Variants in XPNPEP2 observed in about 807,000 individuals in gnomAD.
The protein encoded by XPNPEP2 is xaa-Pro aminopeptidase 2.
XPNPEP2 carries 64 observed loss-of-function variants against 59.8 expected under a neutral mutation model. The ratio of observed to expected loss-of-function variants is 1.07; its 90% CI spans 0.87 to 1.32. XPNPEP2 has a LOEUF of 1.32. Ranked by LOEUF, XPNPEP2 falls within the 40% of genes most tolerant of loss-of-function variation. XPNPEP2 has a pLI of 0.00. For synonymous variants in XPNPEP2, 235 were observed against 210.0 expected, an observed-to-expected ratio of 1.12 and a Z score of -1.03; for missense variants, 575 against 546.8, an observed-to-expected ratio of 1.05 and a Z score of -0.51.
chrX:129,766,670 C>T (rs1926757368), intron 19 of XPNPEP2, among the ~76,000 whole-genome samples: 1 of 111,960 alleles, frequency 8.9e-6, no homozygotes, highest in Non-Finnish European at 1.9e-5. Context: ...ATGGACACCA[C>T]CATGCTCAGC....
At chrX:129,757,888 AGAGAG>A (rs1391660002) in intron 14 of XPNPEP2, among the ~76,000 whole-genome samples, 35 of 77,766 alleles carry the variant, frequency 4.5e-4, no homozygotes, top group African/African-American at 2.4e-3. Context: ...AGAGAGAGAG[AGAGAG>A]AGAAAGAAAG....
Position 129,756,542 on chromosome X carries a change from G to C in XPNPEP2, c.1354G>C (p.Gly452Arg), listed in dbSNP as rs1486317330. ...AGATGAGATGTACCTGCTGGACTCTGGGGGGCAGTACTGGTATGTACCCCG... is the reference window on the plus strand; with the variant it reads ...AGATGAGATGTACCTGCTGGACTCTCGGGGGCAGTACTGGTATGTACCCCG... ...SSDEMYLLDS[G>R]GQYWDGTTDI... is the part of the protein sequence containing the mutation. Residue 452 changes from glycine (G) to arginine (R), a missense_variant, in exon 14 of 21, where the codon GGG (glycine) becomes CGG (arginine). Physicochemically the swap from Gly to Arg is moderately radical, Grantham distance 125. Transcript: ENST00000371106. 5.0e-6 allele frequency: 6 copies of C among 1,208,862 alleles called. No homozygotes were observed. The highest frequency in any genetic ancestry group is 6.7e-6 in the Non-Finnish European group (6 of 894,481).
chrX:129,740,985 C>T (rs1281316305), intron 1 of XPNPEP2, among the ~76,000 whole-genome samples: 1 of 108,540 alleles, frequency 9.2e-6, no homozygotes, highest in Admixed American at 9.7e-5. Context: ...AATGTCTCCC[C>T]ACACTCAGGG....
intron 14 of XPNPEP2, among the ~76,000 whole-genome samples, chrX:129,757,702 G>A (rs1926551916): frequency 9.5e-6 from 1 of 105,655 alleles, no homozygotes; most frequent in Non-Finnish European, 1.9e-5. Context: ...AACTGAGGCA[G>A]GAGAATCGCT....
intron 12 of XPNPEP2, 49 bp from the exon 13 acceptor site, chrX:129,755,245 C>A: frequency 6.1e-6 from 7 of 1,141,482 alleles, no homozygotes; most frequent in Non-Finnish European, 7.2e-6. Context: ...CGGGCCCAGC[C>A]TAGTCCAGGG....
At chrX:129,744,116 G>A in intron 3 of XPNPEP2, 45 bp downstream of exon 3, 1 of 1,088,764 alleles carries the variant, frequency 9.2e-7, no homozygotes, top group Non-Finnish European at 1.3e-6. Context: ...GCTACCCTGG[G>A]TCAGAGACCA....
At position 129,754,597 on chromosome X, in the gene XPNPEP2, C is replaced by G; in HGVS notation, c.1217+16C>G. 1.7e-6 allele frequency: 2 copies of G among 1,160,363 alleles called. No individual in the cohort carries two copies. Among genetic ancestry groups the G allele is most frequent in the Non-Finnish European group, 2.3e-6 (2 of 865,205 alleles). On this transcript the variant is annotated intron_variant, in intron 12 of 20. Coordinates refer to ENST00000371106, the MANE Select transcript of XPNPEP2 (RefSeq NM_003399.6). Reference sequence around the variant, plus strand: ...AGTTCCGAGGGTGAAGAGCCACGGCCGTCCTTTTTGGCTGACTGTCTTTTA... The same window carrying G: ...AGTTCCGAGGGTGAAGAGCCACGGCGGTCCTTTTTGGCTGACTGTCTTTTA...
At chrX:129,754,854 C>T (rs1218805818) in intron 12 of XPNPEP2, among the ~76,000 whole-genome samples, 2 of 111,088 alleles carry the variant, frequency 1.8e-5, no homozygotes, top group Admixed American at 9.5e-5. Context: ...GCTTCAGGTA[C>T]GGTCTGAATC....
intron 2 of XPNPEP2, among the ~76,000 whole-genome samples, chrX:129,742,543 C>T (rs1357594676): frequency 9.1e-6 from 1 of 110,386 alleles, no homozygotes; most frequent in Non-Finnish European, 1.9e-5. Flanking sequence ...AAAGAAAAGA[C>T]AAATTCTAGA....
intron 1 of XPNPEP2, among the ~76,000 whole-genome samples, chrX:129,741,083 C>A (rs776527315): frequency 9.2e-6 from 1 of 108,832 alleles, no homozygotes; most frequent in African/African-American, 3.4e-5. Flanking sequence ...TAATTCAAGC[C>A]CCTCCTTTCC....
At chrX:129,757,851 GAAAGAAA>G (rs1926564935) in intron 14 of XPNPEP2, among the ~76,000 whole-genome samples, 2 of 81,670 alleles carry the variant, frequency 2.4e-5, no homozygotes, top group Non-Finnish European at 4.5e-5. Flanking sequence ...AAGAAAGAAA[GAAAGAAA>G]GAGGGAGAGA....
chrX:129,755,194 T>C (rs1926495586), intron 12 of XPNPEP2, 100 bp from the exon 13 acceptor site: 2 of 820,220 alleles, frequency 2.4e-6, no homozygotes, highest in African/African-American at 2.0e-5. Flanking sequence ...AGTTGAGAGG[T>C]AGAGGCAGCC....
At chrX:129,742,880 C>A (rs1440696588) in intron 2 of XPNPEP2, among the ~76,000 whole-genome samples, 19 of 111,580 alleles carry the variant, frequency 1.7e-4, no homozygotes, top group South Asian at 3.8e-4. Context: ...CCAGTCTGGG[C>A]GACAGAGCAA....
intron 2 of XPNPEP2, 88 bp from the exon 3 acceptor site, chrX:129,743,873 C>T: frequency 1.1e-6 from 1 of 878,733 alleles, no homozygotes; most frequent in South Asian, 2.2e-5. Flanking sequence ...GGGGGCTCTT[C>T]TGGAGGCCAG....
chrX:129,761,057 G>A (rs779515904), intron 16 of XPNPEP2, 115 bp from the exon 17 acceptor site: 61 of 627,939 alleles, frequency 9.7e-5, no homozygotes, highest in African/African-American at 1.6e-4. Flanking sequence ...CATGCTTAGC[G>A]GCCTCTCAGG....
In XPNPEP2 at chrX:129,759,070, C is replaced by T. The variant is rs754170021; in HGVS notation, c.1368-110C>T. 76 of 911,585 alleles carry T rather than the reference C, an allele frequency of 8.3e-5. No individual in the cohort carries two copies. In the African/African-American group the frequency reaches 8.6e-4, roughly 10 times the overall value. The allele number at this position is 911,585 out of a possible 1,213,427, so 75.1% of individuals were successfully genotyped here. ...TATGGTAGCTGTCTTCTTCCTTTCG[C>T]CGTCCACCCATCCCATCCCAGCCCT... On this transcript the variant is annotated intron_variant, in intron 14 of 20. Coordinates refer to ENST00000371106, the MANE Select transcript of XPNPEP2 (RefSeq NM_003399.6).
intron 19 of XPNPEP2, among the ~76,000 whole-genome samples, chrX:129,764,720 T>G (rs192668188): frequency 2.2e-3 from 244 of 109,460 alleles, no homozygotes; most frequent in Non-Finnish European, 3.7e-3. Context: ...TCCCAACACT[T>G]TGGGAGGCAG....
intron 18 of XPNPEP2, among the ~76,000 whole-genome samples, 154 bp downstream of exon 18, chrX:129,762,219 C>A (rs1383069246): frequency 5.4e-5 from 6 of 111,776 alleles, no homozygotes; most frequent in African/African-American, 1.6e-4. Context: ...CGCCCAGCCC[C>A]AAATGGCTTG....
In XPNPEP2 at chrX:129,746,235, G is replaced by A. The variant is rs1183714121; in HGVS notation, c.299-1G>A. 1 of 1,209,721 alleles carries A rather than the reference G, an allele frequency of 8.3e-7. No homozygotes were observed. Among genetic ancestry groups the A allele is most frequent in the Non-Finnish European group, 1.1e-6 (1 of 894,537 alleles). ...CTGCAAGTTTCTCTGTTCTGCCCCAGGAACTGCAGTGGTGACTATGAAGAA... is the reference window on the plus strand; with the variant it reads ...CTGCAAGTTTCTCTGTTCTGCCCCAAGAACTGCAGTGGTGACTATGAAGAA... On this transcript the variant is annotated splice_acceptor_variant, in intron 4 of 20. Transcript: ENST00000371106. LOFTEE classifies it high-confidence loss of function.
Sources: gnomAD v4.1 joint callset for allele counts (sites outside exome capture counted in the v4.1 genomes callset) on GRCh38, gnomAD v4.1.1 for gene constraint, MANE v1.5 for transcripts, NCBI Gene and HGNC (gene_info 2026-07-23, HGNC 2026-07-21) for gene names.